ZNF324B: variants seen among roughly 807,000 people sequenced by gnomAD.
ZNF324B encodes zinc finger protein 324B.
In ZNF324B, 7 loss-of-function variants were observed where a neutral mutation model predicts 10.6. The observed-to-expected ratio is 0.66, with a 90% CI of 0.38 to 1.24. The LOEUF is 1.24. Among genes scored for constraint, ZNF324B ranks in the 50% most tolerant of loss-of-function variants. The pLI is 0.02. For missense variants in ZNF324B, 640 were observed against 764.7 expected, an observed-to-expected ratio of 0.84 and a Z score of 1.92; for synonymous variants, 316 against 321.0, an observed-to-expected ratio of 0.98 and a Z score of 0.17.
chr19:58,434,271 A>G, the ZNF324B span: 2 of 1,614,024 alleles, frequency 1.2e-6, no homozygotes, highest in Non-Finnish European at 1.7e-6. Flanking sequence ...TCTGATGCCG[A>G]AGGAAATTGG....
chr19:58,423,019 G>T, the ZNF324B span, among the ~76,000 whole-genome samples: 3 of 151,440 alleles, frequency 2.0e-5, no homozygotes, highest in Non-Finnish European at 4.4e-5. Context: ...ACAGGTGCAC[G>T]CCACTATGCT....
the ZNF324B span, among the ~76,000 whole-genome samples, chr19:58,446,067 G>A: frequency 5.9e-5 from 9 of 152,256 alleles, no homozygotes; most frequent in Non-Finnish European, 5.9e-5. Context: ...CCTGGAAGGC[G>A]GAGATTGCAG....
chr19:58,426,864 A>G, the ZNF324B span, among the ~76,000 whole-genome samples: 1 of 152,222 alleles, frequency 6.6e-6, no homozygotes, highest in African/African-American at 2.4e-5. Context: ...AAGGGGCTGA[A>G]GGCAACTGCC....
chr19:58,433,316 G>A, the ZNF324B span: 363 of 1,604,392 alleles, frequency 2.3e-4, no homozygotes, highest in African/African-American at 4.5e-3. Context: ...CTTCCATAAG[G>A]CTCCACTCAG....
At chr19:58,439,090 A>G in the ZNF324B span, among the ~76,000 whole-genome samples, 1 of 152,052 alleles carries the variant, frequency 6.6e-6, no homozygotes, top group South Asian at 2.1e-4. Context: ...CAATCTTAAC[A>G]TTTCACTTTC....
chr19:58,422,915 G>C, the ZNF324B span, among the ~76,000 whole-genome samples: 339 of 152,306 alleles, frequency 2.2e-3, 2 homozygotes, highest in African/African-American at 7.9e-3. Flanking sequence ...TGTTGCCCAG[G>C]CTGGAGTGCA....
chr19:58,433,376 T>C, the ZNF324B span: 1 of 1,614,104 alleles, frequency 6.2e-7, no homozygotes, highest in East Asian at 2.2e-5. Flanking sequence ...CTGAAGAGTT[T>C]CCCACACTGG....
chr19:58,419,829 C>A, the ZNF324B span, among the ~76,000 whole-genome samples: 7 of 152,072 alleles, frequency 4.6e-5, no homozygotes, highest in South Asian at 2.1e-4. Context: ...GTTTATGGGA[C>A]CTTTTCAGAG....
the ZNF324B span, among the ~76,000 whole-genome samples, chr19:58,427,291 T>TTTCTTTCTTTCTTTCTTTCTTTC: frequency 1.9e-4 from 11 of 58,308 alleles, 1 homozygote; most frequent in African/African-American, 4.1e-4. Flanking sequence ...TGCCTGGCTT[T>TTTCTTTCTTTCTTTCTTTCTTTC]TTTCTTTCTT....
the ZNF324B span, chr19:58,442,388 A>G: frequency 6.7e-6 from 1 of 149,674 alleles, no homozygotes; most frequent in East Asian, 1.9e-4. Flanking sequence ...GTTAGCCAGG[A>G]TGGTCTCGAT....
chr19:58,454,280 GC>G lies in ZNF324B; in HGVS notation c.177del (p.Trp60GlyfsTer8), dbSNP rs749836083. 1 of 1,614,164 alleles carries G rather than the reference GC, an allele frequency of 6.2e-7. No homozygotes were observed. Among genetic ancestry groups the G allele is most frequent in the Non-Finnish European group, 8.5e-7 (1 of 1,180,006 alleles). ...VVIQLERGEE[P>X]WVPSGKDMTL... ...TCATTCAACTTGAGCGTGGCGAGGA[GC>G]CCTGGGTTCCCAGTGGAAAGGACAT... is the stretch of plus-strand genomic sequence containing the variant. On this transcript the variant is annotated frameshift_variant, in exon 3 of 4. Transcript: ENST00000336614. LOFTEE classifies it high-confidence loss of function.
the ZNF324B span, chr19:58,435,375 C>T: frequency 2.6e-6 from 2 of 771,776 alleles, no homozygotes; most frequent in Admixed American, 3.0e-5. Flanking sequence ...TTACTATTGG[C>T]AGGATAGGGA....
At chr19:58,449,563 C>G (rs117422330), upstream of ZNF324B, among the ~76,000 whole-genome samples, 1 of 152,246 alleles carries the variant, frequency 6.6e-6, no homozygotes, top group Non-Finnish European at 1.5e-5. Flanking sequence ...AGAGCTGCAG[C>G]TGCCCAAGAC....
At chr19:58,419,495 T>C in the ZNF324B span, among the ~76,000 whole-genome samples, 1 of 152,226 alleles carries the variant, frequency 6.6e-6, no homozygotes, top group South Asian at 2.1e-4. Flanking sequence ...TTCCAGCAAC[T>C]GAGGTTTCCT....
At chr19:58,427,303 C>CTTTCTTTCTTTCTTTCTT in the ZNF324B span, among the ~76,000 whole-genome samples, 1 of 61,716 alleles carries the variant, frequency 1.6e-5, no homozygotes, top group Admixed American at 1.7e-4. Flanking sequence ...TTCTTTCTTT[C>CTTTCTTTCTTTCTTTCTT]TTTCTTTCTT....
At chr19:58,446,581 T>C in the ZNF324B span, among the ~76,000 whole-genome samples, 9 of 145,050 alleles carry the variant, frequency 6.2e-5, no homozygotes, top group East Asian at 3.9e-4. Flanking sequence ...CTCTTTTTTT[T>C]TTTTTTTTTT....
chr19:58,446,573 C>CTTT, the ZNF324B span, among the ~76,000 whole-genome samples: 58 of 102,496 alleles, frequency 5.7e-4, no homozygotes, highest in Middle Eastern at 5.6e-3. Flanking sequence ...ATTTCTTTCT[C>CTTT]TTTTTTTTTT....
the ZNF324B span, chr19:58,434,537 A>C: frequency 6.2e-7 from 1 of 1,614,192 alleles, no homozygotes. Flanking sequence ...AGCTTAGATG[A>C]GTGACTAAAG....
At chr19:58,452,994 G>A (rs957579682) in intron 1 of ZNF324B, among the ~76,000 whole-genome samples, 2 of 152,006 alleles carry the variant, frequency 1.3e-5, no homozygotes, top group African/African-American at 4.8e-5. Context: ...AGAATGGCGT[G>A]AACCCGGGAG....
Sources: allele counts gnomAD v4.1 joint callset (sites outside exome capture counted in the v4.1 genomes callset), GRCh38; gene constraint gnomAD v4.1.1; transcripts MANE v1.5; gene names NCBI Gene and HGNC (gene_info 2026-07-23, HGNC 2026-07-21).